Variants in GPATCH1 observed in about 807,000 individuals in gnomAD.
GPATCH1 encodes G patch domain-containing protein 1.
In GPATCH1, 73 loss-of-function variants were observed where a neutral mutation model predicts 114.9. The observed-to-expected ratio is 0.64, with a 90% CI of 0.53 to 0.77. GPATCH1 has a LOEUF of 0.77. Ranked by LOEUF, GPATCH1 falls within the 30% of genes least tolerant of loss-of-function variation. The probability of loss-of-function intolerance (pLI) is 0.00; values close to 1 mark genes in which losing one functional copy is unlikely to be tolerated. For missense variants in GPATCH1, 1,058 were observed against 1,144.3 expected, an observed-to-expected ratio of 0.92 and a Z score of 1.09; for synonymous variants, 391 against 428.4, an observed-to-expected ratio of 0.91 and a Z score of 1.08.
In GPATCH1 at chr19:33,117,743, T is replaced by C. The variant is rs1437624463; in HGVS notation, c.2197-82T>C. On this transcript the variant is annotated intron_variant, in intron 15 of 19. Coordinates refer to ENST00000170564, the MANE Select transcript of GPATCH1 (RefSeq NM_018025.3). ...ACATGAGCATAAACATAAATATGTG[T>C]GTCTGGGAGTGTATTCTAGAATGTC... The C allele has an allele frequency of 2.3e-5, 21 of 917,936 alleles. No individual in the cohort carries two copies. The East Asian group carries it at 4.8e-4, about 21-fold the overall frequency. 56.9% of individuals were successfully genotyped at this position (917,936 alleles called of 1,614,324 possible). A position where few individuals can be genotyped will look rare whatever the true frequency, so the allele number is the denominator to read the frequency against.
intron 10 of GPATCH1, among the ~76,000 whole-genome samples, chr19:33,108,557 G>A (rs541140271): frequency 6.6e-6 from 1 of 151,000 alleles, no homozygotes; most frequent in South Asian, 2.1e-4. Flanking sequence ...CTTTCTTCCA[G>A]CCTTCCCCGA....
At chr19:33,121,053 A>C (rs1427176210) in intron 17 of GPATCH1, among the ~76,000 whole-genome samples, 1 of 151,780 alleles carries the variant, frequency 6.6e-6, no homozygotes, top group Non-Finnish European at 1.5e-5. Context: ...TTAAAAAAAT[A>C]GTATACAAAA....
chr19:33,095,744 T>G lies in GPATCH1; in HGVS notation c.554-18T>G. ...TTGTAGTCACTCATGACTATTGCAT[T>G]TGAAATCTCTTTTCTAGATCCTGGA... On this transcript the variant is annotated intron_variant, in intron 5 of 19. Transcript: ENST00000170564. The G allele has an allele frequency of 3.8e-6, 6 of 1,588,852 alleles. No homozygotes were observed. The highest frequency in any genetic ancestry group is 5.2e-6 in the Non-Finnish European group (6 of 1,157,336).
chr19:33,092,209 C>G (rs1359094732), intron 3 of GPATCH1, among the ~76,000 whole-genome samples: 1 of 151,920 alleles, frequency 6.6e-6, no homozygotes. Context: ...CACCACCATG[C>G]CTGGCTAATT....
intron 2 of GPATCH1, among the ~76,000 whole-genome samples, chr19:33,090,038 C>T (rs141148279): frequency 3.3e-5 from 5 of 152,334 alleles, no homozygotes; most frequent in South Asian, 2.1e-4. Flanking sequence ...CCTCAGCTCA[C>T]AGGGCCCTTG....
chr19:33,121,262 T>C (rs1388381302), intron 17 of GPATCH1, among the ~76,000 whole-genome samples: 1 of 151,182 alleles, frequency 6.6e-6, no homozygotes, highest in Non-Finnish European at 1.5e-5. Context: ...ATTACAAGCG[T>C]GAACCACTGC....
chr19:33,118,927 C>G, intron 16 of GPATCH1, 83 bp from the exon 17 acceptor site: 3 of 778,278 alleles, frequency 3.9e-6, no homozygotes, highest in Non-Finnish European at 6.3e-6. Flanking sequence ...CATATGTTAT[C>G]TGGTGGCAAA....
chr19:33,119,437 T>C (rs1430722236), intron 17 of GPATCH1, among the ~76,000 whole-genome samples: 7 of 152,082 alleles, frequency 4.6e-5, no homozygotes, highest in Non-Finnish European at 8.8e-5. Flanking sequence ...CAGTGGCTCA[T>C]GCCTGTAATC....
At chr19:33,126,126 G>T (rs2145342718) in intron 18 of GPATCH1, among the ~76,000 whole-genome samples, 1 of 152,300 alleles carries the variant, frequency 6.6e-6, no homozygotes, top group South Asian at 2.1e-4. Flanking sequence ...AATGTGTGCC[G>T]ACCAAATCTG....
intron 2 of GPATCH1, among the ~76,000 whole-genome samples, chr19:33,088,608 C>T (rs1251321096): frequency 1.3e-5 from 2 of 150,458 alleles, no homozygotes; most frequent in South Asian, 2.1e-4. Context: ...ACCTTGGCCT[C>T]CAAAAGTGCT....
intron 9 of GPATCH1, among the ~76,000 whole-genome samples, chr19:33,103,429 G>A (rs113237908): frequency 2.8e-4 from 42 of 152,244 alleles, no homozygotes; most frequent in Non-Finnish European, 5.3e-4. Flanking sequence ...GGCCGGGCAC[G>A]GTGGCTCACA....
Position 33,130,441 on chromosome 19 carries a change from C to T in GPATCH1, c.*281C>T, listed in dbSNP as rs901693669. On this transcript the variant is annotated 3_prime_UTR_variant, in exon 20 of 20. Transcript: ENST00000170564. ...TTGATTTTTAAAAAATTTCCTGGGA[C>T]GTTAAAAAAGAAGTTAAAAGTGAAG... 6.2e-5 allele frequency: 20 copies of T among 324,856 alleles called. No individual in the cohort carries two copies. Among genetic ancestry groups the T allele is most frequent in the South Asian group, 1.0e-4 (1 of 10,034 alleles). 20.1% of individuals were successfully genotyped at this position (324,856 alleles called of 1,614,324 possible). A position where few individuals can be genotyped will look rare whatever the true frequency, so the allele number is the denominator to read the frequency against.
chr19:33,091,183 AG>A (rs1972590565), intron 3 of GPATCH1, among the ~76,000 whole-genome samples: 1 of 152,034 alleles, frequency 6.6e-6, no homozygotes, highest in Non-Finnish European at 1.5e-5. Context: ...AGGCCGAGAC[AG>A]GCGGATCACG....
At chr19:33,127,701 G>A (rs1372126165) in intron 19 of GPATCH1, among the ~76,000 whole-genome samples, 1 of 151,822 alleles carries the variant, frequency 6.6e-6, no homozygotes, top group Non-Finnish European at 1.5e-5. Flanking sequence ...GTACATGGAT[G>A]CACATACACA....
chr19:33,101,476 C>G lies in GPATCH1; in HGVS notation c.1001-19C>G. The G allele has an allele frequency of 7.2e-7, 1 of 1,395,512 alleles. No homozygotes were observed. Among genetic ancestry groups the G allele is most frequent in the Non-Finnish European group, 1.0e-6 (1 of 984,354 alleles). 86.4% of individuals were successfully genotyped at this position (1,395,512 alleles called of 1,614,324 possible). On this transcript the variant is annotated intron_variant, in intron 8 of 19. Coordinates refer to ENST00000170564, the MANE Select transcript of GPATCH1 (RefSeq NM_018025.3). ...AATCATCTCTACTTCTGGAATTAATCTATGACATCATTTTGTAGAATCAGA... is the reference window on the plus strand; with the variant it reads ...AATCATCTCTACTTCTGGAATTAATGTATGACATCATTTTGTAGAATCAGA...
chr19:33,093,676 T>C (rs1972623235), intron 4 of GPATCH1, among the ~76,000 whole-genome samples, 157 bp downstream of exon 4: 1 of 152,162 alleles, frequency 6.6e-6, no homozygotes, highest in Admixed American at 6.6e-5. Context: ...TCTTGCACTG[T>C]CATTGCACGG....
Position 33,130,005 on chromosome 19 carries a change from C to T in GPATCH1, c.2766-125C>T. The T allele has an allele frequency of 1.0e-5, 7 of 674,236 alleles. No individual in the cohort carries two copies. The South Asian group carries it at 1.2e-4, about 12-fold the overall frequency. 41.8% of individuals were successfully genotyped at this position (674,236 alleles called of 1,614,324 possible). A position where few individuals can be genotyped will look rare whatever the true frequency, so the allele number is the denominator to read the frequency against. On this transcript the variant is annotated intron_variant, in intron 19 of 19. Coordinates refer to ENST00000170564, the MANE Select transcript of GPATCH1 (RefSeq NM_018025.3). ...ACTTCATTGTGGGTTATTGTGAGTG[C>T]ATTTTGTAGGTGCAGACATGCTGCT...
Position 33,109,957 on chromosome 19 carries a change from A to G in GPATCH1, c.1526A>G (p.Asp509Gly). Reference protein sequence around the residue: ...KASNFKPFAKDPEKQKRYDEF... With the variant: ...KASNFKPFAKGPEKQKRYDEF... ...AGCAACTTCAAGCCTTTCGCCAAAGATCCGGAAAAGCAAAAGCGATACGAC... is the reference window on the plus strand; with the variant it reads ...AGCAACTTCAAGCCTTTCGCCAAAGGTCCGGAAAAGCAAAAGCGATACGAC... Residue 509 changes from aspartate to glycine, a missense_variant, in exon 11 of 20, where the codon GAT becomes GGT. Around this residue, in one of 3 missense-constraint regions of GPATCH1, gnomAD observed 893 missense variants for 977.4 expected, o/e 0.91. Coordinates refer to ENST00000170564, the MANE Select transcript of GPATCH1 (RefSeq NM_018025.3). 1 of 1,614,086 alleles carries G rather than the reference A, an allele frequency of 6.2e-7. No individual in the cohort carries two copies. Among genetic ancestry groups the G allele is most frequent in the Non-Finnish European group, 8.5e-7 (1 of 1,180,000 alleles).
At chr19:33,081,418 G>T (rs998035021) in intron 1 of GPATCH1, 152 bp downstream of exon 1, 1 of 696,586 alleles carries the variant, frequency 1.4e-6, no homozygotes, top group Non-Finnish European at 2.5e-6. Flanking sequence ...GCGCTCTCGG[G>T]GTGCTCACCT....
Sources: allele counts gnomAD v4.1 joint callset (sites outside exome capture counted in the v4.1 genomes callset), GRCh38; gene constraint gnomAD v4.1.1; regional missense constraint gnomAD v4.1.1; transcripts MANE v1.5; gene names NCBI Gene and HGNC (gene_info 2026-07-23, HGNC 2026-07-21).